Variants in DNM3 observed in about 807,000 individuals in gnomAD.
DNM3 encodes the protein dynamin 3, also known as dynamin-3.
In DNM3, 47 loss-of-function variants were observed where a neutral mutation model predicts 101.6. That is an observed-to-expected ratio of 0.46 (90% CI 0.37 to 0.59). DNM3 has a LOEUF of 0.59. Among genes scored for constraint, DNM3 ranks in the 20% least tolerant of loss-of-function variants. The pLI is 0.00. For synonymous variants in DNM3, 385 were observed against 387.9 expected (o/e 0.99, Z 0.09); for missense variants, 849 against 1,085.7 (o/e 0.78, Z 3.06).
rs185123935 is a variant in DNM3, at chr1:171,936,637, A to G, written c.235+14816A>G. Among the ~76,000 whole-genome samples, 651 of 152,236 alleles carry G rather than the reference A, an allele frequency of 4.3e-3. 5 individuals are homozygous for G. Among genetic ancestry groups the G allele is most frequent in the African/African-American group, 0.015 (619 of 41,528 alleles). The stretch of plus-strand genomic sequence containing the variant: ...TTCTTGCTATTTCTTCCTTTCATGG[A>G]TGTTAAATGTATTATTCATTTAATT... On this transcript the variant is annotated intron_variant, in intron 2 of 20. Transcript: ENST00000627582.
intron 4 of DNM3, among the ~76,000 whole-genome samples, chr1:172,019,233 T>C (rs558320916): frequency 3.6e-4 from 54 of 151,620 alleles, no homozygotes; most frequent in African/African-American, 1.3e-3. Flanking sequence ...TCATGAGTAC[T>C]GGTGCACCAG....
intron 1 of DNM3, among the ~76,000 whole-genome samples, chr1:171,876,134 G>A (rs1277018628): frequency 6.6e-6 from 1 of 152,082 alleles, no homozygotes; most frequent in Non-Finnish European, 1.5e-5. Context: ...TTAAAGATAC[G>A]TACTTACATC....
chr1:172,068,307 G>A (rs2125933904), intron 10 of DNM3, among the ~76,000 whole-genome samples: 1 of 152,158 alleles, frequency 6.6e-6, no homozygotes, highest in East Asian at 1.9e-4. Flanking sequence ...CAGCCTGGGT[G>A]ACAAGAGCAA....
chr1:171,969,195 GA>G (rs1298169454), intron 2 of DNM3, among the ~76,000 whole-genome samples: 1 of 152,098 alleles, frequency 6.6e-6, no homozygotes. Context: ...AGGTTAACAA[GA>G]GAAAAGCATA....
intron 8 of DNM3, among the ~76,000 whole-genome samples, chr1:172,042,644 C>T (rs2049470999): frequency 6.6e-6 from 1 of 152,036 alleles, no homozygotes; most frequent in Admixed American, 6.6e-5. Flanking sequence ...ATGAAGAGGT[C>T]AACTGGGTAA....
chr1:172,294,274 G>C lies in DNM3; in HGVS notation c.1770-14454G>C, dbSNP rs184026985. Among the ~76,000 whole-genome samples the C allele has an allele frequency of 2.8e-3, 421 of 151,992 alleles. 1 individual carries two copies. Among genetic ancestry groups the C allele is most frequent in the African/African-American group, 9.5e-3 (395 of 41,458 alleles). ...TGAAATGACTCATTCTGCTTGTTTT[G>C]GTTTATCCTTTTAAACTTGAATATC... On this transcript the variant is annotated intron_variant, in intron 15 of 20. Coordinates refer to ENST00000627582, the MANE Select transcript of DNM3 (RefSeq NM_015569.5).
At chr1:172,276,260 G>A (rs1400438030) in intron 15 of DNM3, among the ~76,000 whole-genome samples, 1 of 151,860 alleles carries the variant, frequency 6.6e-6, no homozygotes, top group Non-Finnish European at 1.5e-5. Context: ...AGAAACAAAT[G>A]GTAAATCCTA....
chr1:171,901,036 C>G (rs1170329757), intron 1 of DNM3, among the ~76,000 whole-genome samples: 1 of 144,796 alleles, frequency 6.9e-6, no homozygotes, highest in African/African-American at 2.6e-5. Flanking sequence ...TGGCGTGAAC[C>G]CGGGAGGTGG....
At chr1:171,872,873 A>G (rs764422389) in intron 1 of DNM3, among the ~76,000 whole-genome samples, 4 of 152,160 alleles carry the variant, frequency 2.6e-5, no homozygotes, top group Admixed American at 6.5e-5. Flanking sequence ...GGTGAAAAGT[A>G]TTTCAAGAGT....
chr1:172,025,556 C>T (rs183508983), intron 4 of DNM3, among the ~76,000 whole-genome samples: 135 of 152,202 alleles, frequency 8.9e-4, no homozygotes, highest in African/African-American at 2.6e-3. Context: ...GGGAGAGCTC[C>T]GGCTGGCATC....
intron 1 of DNM3, among the ~76,000 whole-genome samples, chr1:171,849,965 A>G (rs541987707): frequency 6.6e-6 from 1 of 152,340 alleles, no homozygotes; most frequent in East Asian, 1.9e-4. Context: ...AATATATTTT[A>G]AGGAAGATAT....
intron 13 of DNM3, among the ~76,000 whole-genome samples, chr1:172,127,385 C>CTTATTATTATTATTATTATTATTA (rs60339425): frequency 7.3e-6 from 1 of 137,678 alleles, no homozygotes; most frequent in Non-Finnish European, 1.6e-5. Flanking sequence ...TTACTCTCTA[C>CTTATTATTATTATTATTATTATTA]TTATTATTAT....
intron 17 of DNM3, among the ~76,000 whole-genome samples, chr1:172,359,778 A>G (rs2067649068): frequency 6.6e-6 from 1 of 152,016 alleles, no homozygotes; most frequent in South Asian, 2.1e-4. Context: ...ACAGTCTTTC[A>G]TGGAAATATT....
chr1:172,324,274 T>C (rs1344652804), intron 17 of DNM3, among the ~76,000 whole-genome samples: 1 of 152,192 alleles, frequency 6.6e-6, no homozygotes, highest in Non-Finnish European at 1.5e-5. Context: ...GAATCTGTTA[T>C]ATAAGAGTTG....
intron 4 of DNM3, among the ~76,000 whole-genome samples, chr1:171,996,760 G>A (rs948898054): frequency 6.6e-6 from 1 of 152,048 alleles, no homozygotes; most frequent in Non-Finnish European, 1.5e-5. Context: ...TCGGCATGGT[G>A]GCTCACACCT....
chr1:172,168,405 T>C (rs770454390), intron 14 of DNM3, among the ~76,000 whole-genome samples: 1 of 152,016 alleles, frequency 6.6e-6, no homozygotes, highest in Non-Finnish European at 1.5e-5. Flanking sequence ...TTAGTGGTCA[T>C]AGCAGGGTGA....
At chr1:172,287,665 A>G (rs1334581209) in intron 15 of DNM3, among the ~76,000 whole-genome samples, 1 of 152,092 alleles carries the variant, frequency 6.6e-6, no homozygotes, top group Non-Finnish European at 1.5e-5. Flanking sequence ...CCCTTTGGCA[A>G]TGAATCATGG....
At chr1:172,103,203 C>T (rs1479449279) in intron 13 of DNM3, among the ~76,000 whole-genome samples, 1 of 152,018 alleles carries the variant, frequency 6.6e-6, no homozygotes, top group Non-Finnish European at 1.5e-5. Context: ...CACATGGGTA[C>T]ACACCCACCC....
At chr1:172,117,330 G>A (rs996333946) in intron 13 of DNM3, among the ~76,000 whole-genome samples, 1 of 151,758 alleles carries the variant, frequency 6.6e-6, no homozygotes, top group Non-Finnish European at 1.5e-5. Flanking sequence ...GATATGGTTT[G>A]ACTGTGTCTC....
Sources: allele counts gnomAD v4.1 joint callset (sites outside exome capture counted in the v4.1 genomes callset), GRCh38; gene constraint gnomAD v4.1.1; transcripts MANE v1.5; gene names NCBI Gene and HGNC (gene_info 2026-07-23, HGNC 2026-07-21).